The following IFFO2 variants were observed in gnomAD, a reference collection of about 807,000 sequenced individuals.
IFFO2 encodes intermediate filament family orphan 2.
A neutral mutation model predicts 53.5 loss-of-function variants in IFFO2; 19 were observed. That is an observed-to-expected ratio of 0.36 (90% CI 0.25 to 0.52). The LOEUF is 0.52. Ranked by LOEUF, IFFO2 falls within the 20% of genes least tolerant of loss-of-function variation. The probability of loss-of-function intolerance (pLI) is 0.94; values close to 1 mark genes in which losing one functional copy is unlikely to be tolerated. For synonymous variants in IFFO2, 303 were observed against 313.6 expected (o/e 0.97, Z 0.36); for missense variants, 570 against 727.4 (o/e 0.78, Z 2.49).
intron 1 of IFFO2, among the ~76,000 whole-genome samples, chr1:18,934,930 CAT>C (rs1014708931): frequency 2.0e-5 from 3 of 152,192 alleles, no homozygotes; most frequent in African/African-American, 7.2e-5. Context: ...CTCACATTTG[CAT>C]ATGTGTCCAG....
At chr1:18,921,236 G>T in intron 1 of IFFO2, 115 bp from the exon 2 acceptor site, 1 of 886,484 alleles carries the variant, frequency 1.1e-6, no homozygotes, top group Non-Finnish European at 1.8e-6. Flanking sequence ...CAAGGAAGGT[G>T]CATTGGGGCA....
At chr1:18,946,139 G>T (rs902485553) in intron 1 of IFFO2, among the ~76,000 whole-genome samples, 3 of 152,172 alleles carry the variant, frequency 2.0e-5, no homozygotes, top group African/African-American at 4.8e-5. Flanking sequence ...AAAAGAAACC[G>T]CAGTGTGGGT....
chr1:18,908,660 T>G lies in IFFO2; in HGVS notation c.1455A>C (p.Ser485=). 6.4e-7 allele frequency: 1 copy of G among 1,550,816 alleles called. No homozygotes were observed. Among genetic ancestry groups the G allele is most frequent in the Non-Finnish European group, 8.7e-7 (1 of 1,146,300 alleles). Residue 485 remains serine, a synonymous_variant, in exon 9 of 9, where the codon TCA becomes TCC. Transcript: ENST00000455833. ...TGCTGGCCACGGAGCTGGGGGACGG[T>G]GAATTCCTGAGAAGCACAAGAGAGT... ...RLIKGSADRN[S]PSPSSVASSD... is the part of the protein sequence containing the mutation.
intron 1 of IFFO2, among the ~76,000 whole-genome samples, chr1:18,932,604 G>A (rs918977537): frequency 6.6e-6 from 1 of 152,208 alleles, no homozygotes; most frequent in African/African-American, 2.4e-5. Flanking sequence ...GTCAACACAC[G>A]TTTCACACTT....
At chr1:18,954,610 C>A (rs1936700743) in intron 1 of IFFO2, among the ~76,000 whole-genome samples, 1 of 152,230 alleles carries the variant, frequency 6.6e-6, no homozygotes, top group South Asian at 2.1e-4. Context: ...GGCCCCTTCC[C>A]CAGCCAGGCC....
chr1:18,918,200 C>T lies in IFFO2; in HGVS notation c.963+162G>A, dbSNP rs991030655. Among the ~76,000 whole-genome samples the T allele has an allele frequency of 6.6e-6, 1 of 152,096 alleles. No individual in the cohort carries two copies. The highest frequency in any genetic ancestry group is 2.1e-4 in the South Asian group (1 of 4,822). ...ATGAGTCCACGGGTGCCTGATTCTA[C>T]GTTTTCCTGGGGAGGCCACAGGGTC... is the stretch of plus-strand genomic sequence containing the variant. On this transcript the variant is annotated intron_variant, in intron 4 of 8. Coordinates refer to ENST00000455833, the MANE Select transcript of IFFO2 (RefSeq NM_001136265.2). This position sits in a 1 kb window ranked among gnomAD's most constrained non-coding sequence, Gnocchi z 5.2.
At chr1:18,927,407 T>C (rs1047756641) in intron 1 of IFFO2, among the ~76,000 whole-genome samples, 1 of 152,208 alleles carries the variant, frequency 6.6e-6, no homozygotes, top group East Asian at 1.9e-4. Context: ...AGAGGGCAGG[T>C]GGGGGCAGAG....
chr1:18,917,597 C>T lies in IFFO2; in HGVS notation c.964-555G>A, dbSNP rs780649863. ...AGAAGGCATGGAGGTGGAGAGAGGG[C>T]CCCAGGGAGGCCCAGATCTGGCCCA... is the stretch of plus-strand genomic sequence containing the variant. On this transcript the variant is annotated intron_variant, in intron 4 of 8. Coordinates refer to ENST00000455833, the MANE Select transcript of IFFO2 (RefSeq NM_001136265.2). The surrounding 1 kb of genome is among the most constrained non-coding windows in gnomAD (Gnocchi z 5.9). Among the ~76,000 whole-genome samples, 39 of 152,204 alleles carry T rather than the reference C, an allele frequency of 2.6e-4. No individual in the cohort carries two copies. The highest frequency in any genetic ancestry group is 3.2e-3 in the Middle Eastern group (1 of 316).
intron 1 of IFFO2, among the ~76,000 whole-genome samples, chr1:18,940,136 T>C (rs1936501550): frequency 6.6e-6 from 1 of 152,160 alleles, no homozygotes; most frequent in African/African-American, 2.4e-5. Flanking sequence ...GCTGGTTCAG[T>C]AGACACCTCT....
In IFFO2 at chr1:18,933,147, A is replaced by G. The variant is rs562316528; in HGVS notation, c.666-12026T>C. Among the ~76,000 whole-genome samples, 4 of 152,348 alleles carry G rather than the reference A, an allele frequency of 2.6e-5. No homozygotes were observed. In the South Asian group the frequency reaches 8.3e-4, roughly 32 times the overall value. On this transcript the variant is annotated intron_variant, in intron 1 of 8. Transcript: ENST00000455833. The stretch of plus-strand genomic sequence containing the variant: ...CTGAGAGAGGGGAGGCGAGTTCCGG[A>G]GCTCTCGCTGGGGCAGGACCTCTGG...
intron 1 of IFFO2, among the ~76,000 whole-genome samples, chr1:18,939,583 G>A (rs906508930): frequency 1.3e-5 from 2 of 152,148 alleles, no homozygotes; most frequent in African/African-American, 2.4e-5. Context: ...GATACTACAG[G>A]GACCAGCCAG....
In IFFO2 at chr1:18,956,168, G is replaced by T; in HGVS notation, c.165C>A (p.His55Gln). ...AGCGCACGTTGAGCCCCTTCAAGAG[G>T]TGGATGTTGGAGCCCAGGTCGTCCC... Reference protein sequence around the residue: ...ALRDDLGSNIHLLKGLNVRFR... With the variant: ...ALRDDLGSNIQLLKGLNVRFR... The change falls in exon 1 of 9, where the codon CAC (histidine) becomes CAA (glutamine). Residue 55 changes from histidine to glutamine, a missense_variant. Coordinates refer to ENST00000455833, the MANE Select transcript of IFFO2 (RefSeq NM_001136265.2). This position sits in a 1 kb window ranked among gnomAD's most constrained non-coding sequence, Gnocchi z 6.4. 6.8e-7 allele frequency: 1 copy of T among 1,477,392 alleles called. No individual in the cohort carries two copies. Among genetic ancestry groups the T allele is most frequent in the Admixed American group, 2.1e-5 (1 of 46,926 alleles). 91.5% of individuals were successfully genotyped at this position (1,477,392 alleles called of 1,614,324 possible).
At chr1:18,922,981 C>T (rs932079275) in intron 1 of IFFO2, among the ~76,000 whole-genome samples, 1 of 152,074 alleles carries the variant, frequency 6.6e-6, no homozygotes, top group Non-Finnish European at 1.5e-5. Context: ...TCTGGGGCTT[C>T]TCTGGGGGGT....
chr1:18,948,340 G>A (rs28403085), intron 1 of IFFO2, among the ~76,000 whole-genome samples: 120,519 of 152,130 alleles, frequency 0.79, 48,859 homozygotes, highest in East Asian at 0.94. Flanking sequence ...GCTACATTAC[G>A]GAGAGAACGT....
At chr1:18,911,550 T>TATTTATTC (rs1325811633) in intron 6 of IFFO2, 74 bp from the exon 7 acceptor site, 85 of 707,576 alleles carry the variant, frequency 1.2e-4, no homozygotes, top group Middle Eastern at 1.1e-3. Context: ...TTTATTTATT[T>TATTTATTC]ATTCTTGAGA....
chr1:18,916,810 C>T lies in IFFO2; in HGVS notation c.1103+93G>A. 2 of 1,387,726 alleles carry T rather than the reference C, an allele frequency of 1.4e-6. No individual in the cohort carries two copies. 86.0% of individuals were successfully genotyped at this position (1,387,726 alleles called of 1,614,324 possible). A position where few individuals can be genotyped will look rare whatever the true frequency, so the allele number is the denominator to read the frequency against. ...GAAATGAATTCAAATTCTTCCAGTG[C>T]TGCAGGCTACTCTCAGCCCAAGCCT... On this transcript the variant is annotated intron_variant, in intron 5 of 8. Coordinates refer to ENST00000455833, the MANE Select transcript of IFFO2 (RefSeq NM_001136265.2). The surrounding 1 kb of genome is among the most constrained non-coding windows in gnomAD (Gnocchi z 4.3).
At chr1:18,914,006 T>C (rs1936092135) in intron 5 of IFFO2, among the ~76,000 whole-genome samples, 1 of 152,152 alleles carries the variant, frequency 6.6e-6, no homozygotes, top group African/African-American at 2.4e-5. Context: ...TAATTTTTTG[T>C]ATTTTTAGTA....
intron 7 of IFFO2, among the ~76,000 whole-genome samples, chr1:18,911,070 G>A (rs189101791): frequency 5.9e-5 from 9 of 152,342 alleles, no homozygotes; most frequent in East Asian, 3.9e-4. Context: ...TAAGGATACC[G>A]GGCATACTCA....
At chr1:18,925,004 C>T (rs539346806) in intron 1 of IFFO2, among the ~76,000 whole-genome samples, 150 of 152,322 alleles carry the variant, frequency 9.8e-4, no homozygotes, top group African/African-American at 3.4e-3. Context: ...CCACGGCTGA[C>T]ACGGCCTGAA....
Sources: gnomAD v4.1 joint callset for allele counts (sites outside exome capture counted in the v4.1 genomes callset) on GRCh38, gnomAD v4.1.1 for gene constraint, Gnocchi (gnomAD v3.1) non-coding constraint, MANE v1.5 for transcripts, NCBI Gene and HGNC (gene_info 2026-07-23, HGNC 2026-07-21) for gene names.